Variants in PCDHA7 observed in about 807,000 individuals in gnomAD.
The protein encoded by PCDHA7 is protocadherin alpha 7, also known as protocadherin alpha-7.
PCDHA7 carries 37 observed loss-of-function variants against 57.2 expected under a neutral mutation model. The observed-to-expected ratio is 0.65, with a 90% CI of 0.50 to 0.85. The LOEUF (loss-of-function observed/expected upper bound fraction) is 0.85, where lower values mean the gene tolerates loss of function less well. Among genes scored for constraint, PCDHA7 ranks in the 40% least tolerant of loss-of-function variants. PCDHA7 has a pLI of 0.00. For missense variants in PCDHA7, 1,188 were observed against 1,241.8 expected, an observed-to-expected ratio of 0.96 and a Z score of 0.65; for synonymous variants, 553 against 558.8, an observed-to-expected ratio of 0.99 and a Z score of 0.15.
chr5:140,836,791 G>T (rs780841391), intron 1 of PCDHA7, 53 bp downstream of exon 1: 4 of 1,417,390 alleles, frequency 2.8e-6, no homozygotes, highest in Non-Finnish European at 2.9e-6. Context: ...TAGTTCAATT[G>T]GTCTCCTTAA....
intron 1 of PCDHA7, chr5:140,871,192 G>C (rs1582019516): frequency 6.2e-7 from 1 of 1,613,550 alleles, no homozygotes; most frequent in Non-Finnish European, 8.5e-7. Context: ...GGATGTCAAC[G>C]TGTACCTGAT....
chr5:140,903,334 G>A (rs1451948444), intron 1 of PCDHA7, among the ~76,000 whole-genome samples: 2 of 152,132 alleles, frequency 1.3e-5, no homozygotes, highest in Non-Finnish European at 2.9e-5. Context: ...TTGAGGAAAG[G>A]ATGCATTTTA....
intron 1 of PCDHA7, chr5:140,882,928 C>T: frequency 6.2e-7 from 1 of 1,614,140 alleles, no homozygotes; most frequent in Non-Finnish European, 8.5e-7. Context: ...GAGGTAAACC[C>T]GAGCTGACTG....
chr5:140,871,316 T>C, intron 1 of PCDHA7: 1 of 1,614,034 alleles, frequency 6.2e-7, no homozygotes, highest in South Asian at 1.1e-5. Context: ...AAGCCCACGC[T>C]GGTGTGCTCC....
intron 3 of PCDHA7, among the ~76,000 whole-genome samples, chr5:140,992,231 G>C (rs1234271245): frequency 1.3e-5 from 2 of 152,176 alleles, no homozygotes; most frequent in African/African-American, 4.8e-5. Context: ...CCTGGGAAGA[G>C]TAAGGAAGGA....
chr5:140,942,443 A>G (rs1204508547), intron 1 of PCDHA7, among the ~76,000 whole-genome samples: 2 of 152,100 alleles, frequency 1.3e-5, no homozygotes, highest in African/African-American at 4.8e-5. Flanking sequence ...ATAAACAAGT[A>G]AACTATCAAT....
intron 1 of PCDHA7, chr5:140,861,856 A>G (rs1225378019): frequency 1.3e-5 from 2 of 156,674 alleles, no homozygotes; most frequent in Admixed American, 1.3e-4. Context: ...TGGTGCTCAA[A>G]GCAACTGATG....
At chr5:140,872,539 A>G (rs2053732284) in intron 1 of PCDHA7, among the ~76,000 whole-genome samples, 1 of 152,128 alleles carries the variant, frequency 6.6e-6, no homozygotes, top group Admixed American at 6.5e-5. Flanking sequence ...ACATGAGAGG[A>G]TCCCCTGAAC....
At chr5:140,902,203 C>CTTTTTT (rs148688132) in intron 1 of PCDHA7, among the ~76,000 whole-genome samples, 15 of 124,432 alleles carry the variant, frequency 1.2e-4, no homozygotes, top group Non-Finnish European at 2.0e-4. Flanking sequence ...CTCTCTCTTT[C>CTTTTTT]TTTTTTTTTT....
chr5:140,884,371 C>T, intron 1 of PCDHA7: 2 of 1,613,948 alleles, frequency 1.2e-6, no homozygotes, highest in Non-Finnish European at 1.7e-6. Flanking sequence ...TTTACTTGAT[C>T]ATTGCCATCT....
At chr5:140,841,117 A>G (rs2150311332) in intron 1 of PCDHA7, 7 of 622,834 alleles carry the variant, frequency 1.1e-5, no homozygotes, top group South Asian at 9.0e-5. Flanking sequence ...TAATTCATGT[A>G]ATCATTACCT....
Position 140,963,600 on chromosome 5 carries a change from G to A in PCDHA7, c.2356-15349G>A, listed in dbSNP as rs111244023. Among the ~76,000 whole-genome samples, 12 of 152,298 alleles carry A rather than the reference G, an allele frequency of 7.9e-5. No homozygotes were observed. In the South Asian group the frequency reaches 1.7e-3, roughly 21 times the overall value. ...CAAAATGTAGGATATAGTTCTAGAC[G>A]TAATTGGGAAAGCTTAACTTTGTTG... On this transcript the variant is annotated intron_variant, in intron 1 of 3. Transcript: ENST00000525929.
At chr5:140,884,137 C>T (rs782067447) in intron 1 of PCDHA7, 4 of 1,613,402 alleles carry the variant, frequency 2.5e-6, no homozygotes, top group Middle Eastern at 1.7e-4. Context: ...TCCCGTTCCG[C>T]GTGGGGCTGT....
At chr5:140,886,746 A>C (rs2061113111) in intron 1 of PCDHA7, among the ~76,000 whole-genome samples, 1 of 151,722 alleles carries the variant, frequency 6.6e-6, no homozygotes. Context: ...GAATTGCTTG[A>C]ACCCGGGAGG....
intron 1 of PCDHA7, chr5:140,966,328 CG>C: frequency 2.5e-6 from 1 of 392,484 alleles, no homozygotes; most frequent in Non-Finnish European, 4.5e-6. Flanking sequence ...CGCTGGGATC[CG>C]GCAGGTCCAG....
chr5:140,847,230 A>G (rs1780911631), intron 1 of PCDHA7, among the ~76,000 whole-genome samples: 1 of 149,868 alleles, frequency 6.7e-6, no homozygotes, highest in Admixed American at 6.7e-5. Flanking sequence ...GAGCTATTTA[A>G]CTACCTTGAG....
In PCDHA7 at chr5:140,946,631, T is replaced by TATATATATATATACAC. The variant is rs57893927; in HGVS notation, c.2356-32317_2356-32316insTATATATATATACACA. ...TGTGAAATATATATATATATATATA[T>TATATATATATATACAC]ACAATGGAATACTCATCAGCCATTA... On this transcript the variant is annotated intron_variant, in intron 1 of 3. Coordinates refer to ENST00000525929, the MANE Select transcript of PCDHA7 (RefSeq NM_018910.3). Among the ~76,000 whole-genome samples the TATATATATATATACAC allele has an allele frequency of 4.3e-4, 57 of 131,850 alleles. 1 individual carries two copies. Among genetic ancestry groups the TATATATATATATACAC allele is most frequent in the East Asian group, 1.6e-3 (8 of 4,866 alleles). The allele number at this position is 131,850 out of a possible 152,430, so 86.5% of individuals were successfully genotyped here.
intron 1 of PCDHA7, chr5:140,871,289 G>T (rs955449203): frequency 6.2e-7 from 1 of 1,613,910 alleles, no homozygotes; most frequent in Non-Finnish European, 8.5e-7. Flanking sequence ...CCCACTGAGG[G>T]CGCGTGCGCG....
intron 1 of PCDHA7, chr5:140,865,997 T>C (rs990195272): frequency 2.6e-5 from 4 of 152,210 alleles, no homozygotes; most frequent in Admixed American, 6.5e-5. Context: ...AGTTTTTTTA[T>C]GTTAAGTGAT....
Sources: allele counts gnomAD v4.1 joint callset (sites outside exome capture counted in the v4.1 genomes callset), GRCh38; gene constraint gnomAD v4.1.1; transcripts MANE v1.5; gene names NCBI Gene and HGNC (gene_info 2026-07-23, HGNC 2026-07-21).